PRDM10: variants seen among roughly 807,000 people sequenced by gnomAD.
PRDM10 encodes the protein PR/SET domain 10, also known as PR domain zinc finger protein 10.
Under a neutral mutation model 133.1 loss-of-function variants are expected in PRDM10, and 65 were observed. That is an observed-to-expected ratio of 0.49 (90% CI 0.40 to 0.60). The LOEUF (loss-of-function observed/expected upper bound fraction) is 0.60. Ranked by LOEUF, PRDM10 falls within the 20% of genes least tolerant of loss-of-function variation. The pLI is 0.00. For missense variants in PRDM10, 1,137 were observed against 1,507.1 expected (o/e 0.75, Z 4.07); for synonymous variants, 582 against 580.4 (o/e 1.00, Z -0.04).
Position 129,947,199 on chromosome 11 carries a change from C to G in PRDM10, c.466G>C (p.Asp156His). ...EDEEEDGEDTDLDDWEPDPPR... is the reference protein window; with the variant it reads ...EDEEEDGEDTHLDDWEPDPPR... ...GGGTCTGGCTCCCAGTCATCCAGAT[C>G]CGTGTCCTCACCGTCTTCTTCCTCA... Residue 156 changes from aspartate to histidine, a missense_variant, in exon 5 of 21, where the codon GAT (aspartate) becomes CAT (histidine). Asp to His is a moderately conservative substitution (Grantham distance 81). Coordinates refer to ENST00000360871, the MANE Select transcript of PRDM10 (RefSeq NM_199437.2). This position sits in a 1 kb window ranked among gnomAD's most constrained non-coding sequence, Gnocchi z 4.6. 1.9e-6 allele frequency: 3 copies of G among 1,614,148 alleles called. No individual in the cohort carries two copies. The highest frequency in any genetic ancestry group is 2.5e-6 in the Non-Finnish European group (3 of 1,180,018).
At chr11:129,984,245 T>C (rs1027650456) in intron 1 of PRDM10, among the ~76,000 whole-genome samples, 1 of 152,240 alleles carries the variant, frequency 6.6e-6, no homozygotes, top group African/African-American at 2.4e-5. Context: ...GCACCAGGCC[T>C]TCTGGGACCC....
chr11:129,907,646 A>T (rs1591568364), intron 19 of PRDM10, among the ~76,000 whole-genome samples: 1 of 151,666 alleles, frequency 6.6e-6, no homozygotes, highest in Non-Finnish European at 1.5e-5. Flanking sequence ...CTCATGATCC[A>T]CCTGCCTTGG....
chr11:129,915,623 G>A (rs776774933), intron 16 of PRDM10, 37 bp downstream of exon 16: 39 of 1,527,612 alleles, frequency 2.6e-5, no homozygotes, highest in Middle Eastern at 2.0e-4. Flanking sequence ...CTCGCATGGC[G>A]GTTTTGACCT....
chr11:129,991,183 G>A (rs1260977824), intron 1 of PRDM10, among the ~76,000 whole-genome samples: 1 of 152,190 alleles, frequency 6.6e-6, no homozygotes, highest in African/African-American at 2.4e-5. Context: ...TTTAAATTGT[G>A]AGGACCATAG....
At chr11:129,939,762 A>G (rs965495514) in intron 7 of PRDM10, among the ~76,000 whole-genome samples, 1 of 152,240 alleles carries the variant, frequency 6.6e-6, no homozygotes, top group Non-Finnish European at 1.5e-5. Flanking sequence ...TGCATCCTGC[A>G]GGGCTTCTCA....
chr11:129,917,028 G>T, intron 15 of PRDM10, 99 bp downstream of exon 15: 1 of 767,276 alleles, frequency 1.3e-6, no homozygotes, highest in Non-Finnish European at 2.0e-6. Flanking sequence ...CATCTGGTAA[G>T]AGTAACAAAA....
rs1362445119 is a variant in PRDM10, at chr11:129,942,883, A to G, written c.763-254T>C. On this transcript the variant is annotated intron_variant, in intron 6 of 20. Coordinates refer to ENST00000360871, the MANE Select transcript of PRDM10 (RefSeq NM_199437.2). ...ATCTAATTGCATAGCTTTAGTTAAT[A>G]TTTCACAAAACATGATAAAAATGCT... Among the ~76,000 whole-genome samples the G allele has an allele frequency of 1.3e-5, 2 of 152,226 alleles. 1 individual carries two copies.
chr11:129,974,621 G>A (rs1045415262), intron 1 of PRDM10, among the ~76,000 whole-genome samples: 1 of 152,190 alleles, frequency 6.6e-6, no homozygotes, highest in African/African-American at 2.4e-5. Context: ...ATTCCCATGA[G>A]CAAGACCTCC....
At chr11:129,954,301 C>T (rs1399270705) in intron 4 of PRDM10, among the ~76,000 whole-genome samples, 9 of 146,388 alleles carry the variant, frequency 6.1e-5, no homozygotes, top group African/African-American at 2.3e-4. Context: ...CTTGCTCTAT[C>T]ACCCAGGCTG....
At chr11:129,938,084 G>A (rs912150936) in intron 7 of PRDM10, among the ~76,000 whole-genome samples, 30 of 151,864 alleles carry the variant, frequency 2.0e-4, no homozygotes, top group Admixed American at 3.3e-4. Context: ...ACCTTCTCCC[G>A]CCCACCCACT....
rs1950012525 is a variant in PRDM10 at position 129,906,277 on chromosome 11, CTTGTGAGACAG to C, written c.3164-547_3164-537del. Among the ~76,000 whole-genome samples, 3 of 152,262 alleles carry C rather than the reference CTTGTGAGACAG, an allele frequency of 2.0e-5. No individual in the cohort carries two copies. In the South Asian group the frequency reaches 6.2e-4, roughly 32 times the overall value. On this transcript the variant is annotated intron_variant, in intron 19 of 20. Transcript: ENST00000360871. ...GCTGATTCCAGACCTGGGCAGAAAG[CTTGTGAGACAG>C]TTGTGGGGCATCGTGTCTTCCCAGC... is the stretch of plus-strand genomic sequence containing the variant.
intron 8 of PRDM10, 25 bp from the exon 9 acceptor site, chr11:129,935,243 A>G (rs751453876): frequency 6.4e-7 from 1 of 1,572,578 alleles, no homozygotes; most frequent in Non-Finnish European, 8.8e-7. Flanking sequence ...GAGAAATCAT[A>G]AAGGCTGATG....
rs1325319479 is a variant in PRDM10, at chr11:129,900,748, C to T, written c.*1565G>A. 6.6e-6 allele frequency: 1 copy of T among 152,124 alleles called. No individual in the cohort carries two copies. The highest frequency in any genetic ancestry group is 1.5e-5 in the Non-Finnish European group (1 of 68,034). 9.4% of individuals were successfully genotyped at this position (152,124 alleles called of 1,614,324 possible). ...TGAATATCTTTGTCACAAAGAGAGT[C>T]CATTTTCAGTTTCCATATGTTTATG... On this transcript the variant is annotated 3_prime_UTR_variant, in exon 21 of 21. Coordinates refer to ENST00000360871, the MANE Select transcript of PRDM10 (RefSeq NM_199437.2).
rs1951461082 is a variant in PRDM10 at position 129,947,547 on chromosome 11, ATT to A, written c.295-179_295-178del. ...CCGGCTGTGAGGAAGAGCTGGCTTCATTTTTGATCTGACTGCTCACAGCCTTT... is the reference window on the plus strand; with the variant it reads ...CCGGCTGTGAGGAAGAGCTGGCTTCATTTGATCTGACTGCTCACAGCCTTT... On this transcript the variant is annotated intron_variant, in intron 4 of 20. Coordinates refer to ENST00000360871, the MANE Select transcript of PRDM10 (RefSeq NM_199437.2). This position sits in a 1 kb window ranked among gnomAD's most constrained non-coding sequence, Gnocchi z 4.6. The A allele has an allele frequency of 4.1e-6, 6 of 1,465,256 alleles. No homozygotes were observed. Among genetic ancestry groups the A allele is most frequent in the Non-Finnish European group, 5.4e-6 (6 of 1,112,976 alleles). The allele number at this position is 1,465,256 out of a possible 1,614,324, so 90.8% of individuals were successfully genotyped here. A position where few individuals can be genotyped will look rare whatever the true frequency, so the allele number is the denominator to read the frequency against.
rs1341056222 is a variant in PRDM10 at position 129,901,449 on chromosome 11, T to G, written c.*864A>C. 6.6e-6 allele frequency: 1 copy of G among 151,052 alleles called. No homozygotes were observed. Among genetic ancestry groups the G allele is most frequent in the East Asian group, 1.9e-4 (1 of 5,152 alleles). The allele number at this position is 151,052 out of a possible 1,614,324, so 9.4% of individuals were successfully genotyped here. On this transcript the variant is annotated 3_prime_UTR_variant, in exon 21 of 21. Coordinates refer to ENST00000360871, the MANE Select transcript of PRDM10 (RefSeq NM_199437.2). ...CCTGCAAGGCAGAACAAAATTTCAATACTTTCTCTCTCTCTCTCTCAATAG... is the reference window on the plus strand; with the variant it reads ...CCTGCAAGGCAGAACAAAATTTCAAGACTTTCTCTCTCTCTCTCTCAATAG...
At position 129,942,590 on chromosome 11, in the gene PRDM10, G is replaced by A. The variant is rs778385540; in HGVS notation, c.802C>T (p.His268Tyr). ...GACAACTCAAACCATAGGTCTTCAT[G>A]TAAATCCCTTTCTTTCCTGTCCCCT... ...DKGDRKERDL[H>Y]EDLWFELSDE... The change falls in exon 7 of 21, where the codon CAT (histidine) becomes TAT (tyrosine). Residue 268 changes from histidine to tyrosine, a missense_variant. Transcript: ENST00000360871. The A allele has an allele frequency of 8.1e-6, 13 of 1,607,384 alleles. No homozygotes were observed. In the South Asian group the frequency reaches 1.4e-4, roughly 18 times the overall value.
intron 1 of PRDM10, among the ~76,000 whole-genome samples, chr11:129,983,767 A>G (rs986879916): frequency 4.6e-5 from 7 of 151,756 alleles, no homozygotes; most frequent in Non-Finnish European, 1.0e-4. Context: ...CTTCCTAAGT[A>G]TGGCACTAGA....
chr11:129,993,190 G>A (rs1241551415), intron 1 of PRDM10, among the ~76,000 whole-genome samples: 5 of 152,238 alleles, frequency 3.3e-5, no homozygotes, highest in Admixed American at 6.5e-5. Flanking sequence ...CATTAACATG[G>A]TTGAACACCT....
chr11:129,944,109 G>C (rs991338358), intron 6 of PRDM10, among the ~76,000 whole-genome samples: 9 of 152,226 alleles, frequency 5.9e-5, no homozygotes, highest in Non-Finnish European at 1.3e-4. Context: ...GTGGCTTTCT[G>C]CAAGCCAAGG....
Sources: gnomAD v4.1 joint callset for allele counts (sites outside exome capture counted in the v4.1 genomes callset) on GRCh38, gnomAD v4.1.1 for gene constraint, Gnocchi (gnomAD v3.1) non-coding constraint, MANE v1.5 for transcripts, NCBI Gene and HGNC (gene_info 2026-07-23, HGNC 2026-07-21) for gene names.